DTNB: variants seen among roughly 807,000 people sequenced by gnomAD.
The protein encoded by DTNB is dystrobrevin beta.
In DTNB, 63 loss-of-function variants were observed where a neutral mutation model predicts 90.7. That is an observed-to-expected ratio of 0.69 (90% CI 0.57 to 0.86). The LOEUF (loss-of-function observed/expected upper bound fraction) is 0.86, where lower values mean the gene tolerates loss of function less well. Among genes scored for constraint, DTNB ranks in the 40% least tolerant of loss-of-function variants. The pLI is 0.00. For missense variants in DTNB, 744 were observed against 807.1 expected, an observed-to-expected ratio of 0.92 and a Z score of 0.95; for synonymous variants, 277 against 286.7, an observed-to-expected ratio of 0.97 and a Z score of 0.34.
chr2:25,524,063 A>C (rs1296293920), intron 9 of DTNB, among the ~76,000 whole-genome samples: 1 of 151,528 alleles, frequency 6.6e-6, no homozygotes, highest in African/African-American at 2.4e-5. Flanking sequence ...CACCACACCC[A>C]GCTAATTTTG....
At chr2:25,633,985 C>A (rs1272751141) in intron 3 of DTNB, among the ~76,000 whole-genome samples, 1 of 151,910 alleles carries the variant, frequency 6.6e-6, no homozygotes, top group Admixed American at 6.5e-5. Context: ...GCAGCCGCCC[C>A]GTCAGAGAAG....
At chr2:25,601,864 G>A (rs984036408) in intron 5 of DTNB, among the ~76,000 whole-genome samples, 1 of 152,148 alleles carries the variant, frequency 6.6e-6, no homozygotes, top group African/African-American at 2.4e-5. Flanking sequence ...GCTCATGCCT[G>A]TAATTCTAAC....
intron 10 of DTNB, among the ~76,000 whole-genome samples, chr2:25,462,849 GC>G (rs1558631448): frequency 6.6e-6 from 1 of 151,996 alleles, no homozygotes; most frequent in Non-Finnish European, 1.5e-5. Flanking sequence ...GACTACAGGC[GC>G]CCGCCACCAC....
intron 10 of DTNB, among the ~76,000 whole-genome samples, chr2:25,472,578 A>G (rs2063004228): frequency 1.3e-5 from 2 of 152,168 alleles, no homozygotes; most frequent in Admixed American, 1.3e-4. Flanking sequence ...TTAAATTCCA[A>G]TTCACTCCAA....
chr2:25,425,749 G>A, intron 15 of DTNB, among the ~76,000 whole-genome samples: 1 of 152,166 alleles, frequency 6.6e-6, no homozygotes, highest in Non-Finnish European at 1.5e-5. Context: ...AGCATCGCTG[G>A]GCAGGACCTG....
chr2:25,517,605 T>TA, intron 9 of DTNB, among the ~76,000 whole-genome samples: 1 of 152,254 alleles, frequency 6.6e-6, no homozygotes, highest in Middle Eastern at 3.4e-3. Flanking sequence ...GCAATCTCTG[T>TA]AAAAAACAAT....
intron 10 of DTNB, among the ~76,000 whole-genome samples, chr2:25,480,707 G>A (rs920884276): frequency 6.6e-6 from 1 of 152,188 alleles, no homozygotes; most frequent in African/African-American, 2.4e-5. Flanking sequence ...ATTCAGATGG[G>A]AAATGCTACT....
intron 1 of DTNB, among the ~76,000 whole-genome samples, chr2:25,656,491 C>T (rs2082088459): frequency 6.6e-6 from 1 of 152,178 alleles, no homozygotes; most frequent in South Asian, 2.1e-4. Flanking sequence ...TAGCACTCTG[C>T]CTTTTCTTAG....
In DTNB at chr2:25,379,360, A is replaced by ACGGCCAGGTCTTCTCATGCCCCAGACTAT. The variant is rs772009218; in HGVS notation, c.1880-66_1880-38dup. The ACGGCCAGGTCTTCTCATGCCCCAGACTAT allele has an allele frequency of 6.1e-6, 8 of 1,310,440 alleles. No individual in the cohort carries two copies. The African/African-American group carries it at 1.2e-4, about 20-fold the overall frequency. 81.2% of individuals were successfully genotyped at this position (1,310,440 alleles called of 1,614,324 possible). ...TGGGCAGAAACAACACACTGAGGTC[A>ACGGCCAGGTCTTCTCATGCCCCAGACTAT]CGGCCAGGTCTTCTCATGCCCCAGA... On this transcript the variant is annotated intron_variant, in intron 19 of 20. Transcript: ENST00000406818.
rs562177376 is a variant in DTNB, at chr2:25,498,053, C to T, written c.1002-15180G>A. 5.6e-4 allele frequency among the ~76,000 whole-genome samples: 85 copies of T among 152,284 alleles called. 1 individual carries two copies. The Middle Eastern group carries it at 0.02, about 37-fold the overall frequency. ...TTTGTCTGTGCAGGCACTGCCCAGA[C>T]AGCACAGCCTCAGTCTCCCAGGGCC... On this transcript the variant is annotated intron_variant, in intron 9 of 20. Transcript: ENST00000406818.
intron 9 of DTNB, among the ~76,000 whole-genome samples, chr2:25,516,182 A>G (rs1266488612): frequency 2.6e-5 from 4 of 152,282 alleles, no homozygotes; most frequent in Middle Eastern, 3.4e-3. Context: ...CCAAGTGCTG[A>G]TGAGAATGTG....
intron 9 of DTNB, among the ~76,000 whole-genome samples, chr2:25,518,576 A>AAC (rs67622909): frequency 1.3e-5 from 2 of 151,660 alleles, no homozygotes; most frequent in Non-Finnish European, 2.9e-5. Context: ...CCCTCACCCC[A>AAC]ACACACACAC....
chr2:25,471,653 C>T (rs1004396880), intron 10 of DTNB, among the ~76,000 whole-genome samples: 1 of 152,140 alleles, frequency 6.6e-6, no homozygotes, highest in Non-Finnish European at 1.5e-5. Flanking sequence ...CCACCTGCCT[C>T]GACCTCCCAA....
chr2:25,622,313 G>A (rs984116196), intron 4 of DTNB, among the ~76,000 whole-genome samples: 14 of 152,036 alleles, frequency 9.2e-5, no homozygotes, highest in Non-Finnish European at 1.2e-4. Context: ...GCAAAACCCC[G>A]TCTCTACTGA....
intron 8 of DTNB, among the ~76,000 whole-genome samples, chr2:25,560,287 G>A (rs1207555850): frequency 6.6e-6 from 1 of 152,200 alleles, no homozygotes; most frequent in African/African-American, 2.4e-5. Context: ...CAATTTGACT[G>A]GGCTATGAGA....
chr2:25,395,125 A>G (rs1176065495), intron 16 of DTNB, among the ~76,000 whole-genome samples: 1 of 152,260 alleles, frequency 6.6e-6, no homozygotes, highest in Non-Finnish European at 1.5e-5. Flanking sequence ...GAAGTAACTC[A>G]GGAATGGAAA....
At chr2:25,565,681 TA>T (rs2058923744) in intron 8 of DTNB, among the ~76,000 whole-genome samples, 1 of 152,198 alleles carries the variant, frequency 6.6e-6, no homozygotes, top group Non-Finnish European at 1.5e-5. Context: ...GAGATGATCT[TA>T]TTTTTCATCC....
intron 10 of DTNB, among the ~76,000 whole-genome samples, chr2:25,478,895 G>C (rs2064311233): frequency 6.6e-6 from 1 of 152,234 alleles, no homozygotes; most frequent in Non-Finnish European, 1.5e-5. Context: ...GGCAGCTTGG[G>C]AGCAGCTGTT....
intron 9 of DTNB, among the ~76,000 whole-genome samples, chr2:25,497,099 G>A (rs2069089710): frequency 6.6e-6 from 1 of 152,146 alleles, no homozygotes; most frequent in African/African-American, 2.4e-5. Flanking sequence ...ATCACATGAC[G>A]AAGGGTCTTC....
Sources: allele counts gnomAD v4.1 joint callset (sites outside exome capture counted in the v4.1 genomes callset), GRCh38; gene constraint gnomAD v4.1.1; transcripts MANE v1.5; gene names NCBI Gene and HGNC (gene_info 2026-07-23, HGNC 2026-07-21).